Variants in NR3C2 observed in about 807,000 individuals in gnomAD.
The protein encoded by NR3C2 is nuclear receptor subfamily 3 group C member 2.
NR3C2 carries 15 observed loss-of-function variants against 86.4 expected under a neutral mutation model. That is an observed-to-expected ratio of 0.17 (90% CI 0.12 to 0.27). The LOEUF is 0.27. Among genes scored for constraint, NR3C2 ranks in the 10% least tolerant of loss-of-function variants. The probability of loss-of-function intolerance (pLI) is 1.00; values close to 1 mark genes in which losing one functional copy is unlikely to be tolerated. For synonymous variants in NR3C2, 458 were observed against 450.5 expected (o/e 1.02, Z -0.21); for missense variants, 960 against 1,195.6 (o/e 0.80, Z 2.91).
At chr4:148,295,654 C>T (rs1487191201) in intron 2 of NR3C2, among the ~76,000 whole-genome samples, 1 of 151,446 alleles carries the variant, frequency 6.6e-6, no homozygotes, top group Non-Finnish European at 1.5e-5. Context: ...CATGCTTTCT[C>T]ATACTCTCAC....
intron 2 of NR3C2, among the ~76,000 whole-genome samples, chr4:148,314,647 A>G (rs914396417): frequency 3.3e-5 from 5 of 152,154 alleles, no homozygotes. Context: ...ATTTCCTAGA[A>G]AGGATAACTT....
chr4:148,382,017 C>T (rs1048259029), intron 2 of NR3C2, among the ~76,000 whole-genome samples: 11 of 152,134 alleles, frequency 7.2e-5, no homozygotes, highest in African/African-American at 2.7e-4. Flanking sequence ...TTCCCTCCAC[C>T]CAATAGACAC....
intron 2 of NR3C2, among the ~76,000 whole-genome samples, chr4:148,293,774 T>C (rs753136892): frequency 1.3e-5 from 2 of 152,162 alleles, no homozygotes; most frequent in Non-Finnish European, 2.9e-5. Flanking sequence ...GAGGTCAGTT[T>C]GGTAAGCAAC....
intron 3 of NR3C2, among the ~76,000 whole-genome samples, chr4:148,256,283 AC>A (rs1191086963): frequency 6.6e-6 from 1 of 152,230 alleles, no homozygotes; most frequent in Non-Finnish European, 1.5e-5. Flanking sequence ...AAATAACATT[AC>A]AGGAATAATG....
At chr4:148,147,483 A>C (rs1425819703) in intron 6 of NR3C2, among the ~76,000 whole-genome samples, 1 of 152,242 alleles carries the variant, frequency 6.6e-6, no homozygotes, top group Non-Finnish European at 1.5e-5. Flanking sequence ...TATTCAGCAC[A>C]TATTTATGGA....
chr4:148,311,226 T>C (rs763812144), intron 2 of NR3C2, among the ~76,000 whole-genome samples: 1 of 152,150 alleles, frequency 6.6e-6, no homozygotes, highest in South Asian at 2.1e-4. Context: ...GCTCTATTCT[T>C]ATGACTCTCA....
intron 4 of NR3C2, among the ~76,000 whole-genome samples, chr4:148,181,488 C>G (rs17483854): frequency 6.6e-6 from 1 of 152,104 alleles, no homozygotes; most frequent in Admixed American, 6.5e-5. Flanking sequence ...CTTCAAAGGA[C>G]TCATTCTTGG....
At chr4:148,393,565 C>T (rs767801175) in intron 2 of NR3C2, among the ~76,000 whole-genome samples, 5 of 152,282 alleles carry the variant, frequency 3.3e-5, no homozygotes, top group East Asian at 3.9e-4. Flanking sequence ...AAAGAAGACA[C>T]GCCCCACCTA....
At position 148,079,409 on chromosome 4, in the gene NR3C2, T is replaced by C. The variant is rs927714503; in HGVS notation, c.*1935A>G. On this transcript the variant is annotated 3_prime_UTR_variant, in exon 9 of 9. Transcript: ENST00000358102. Reference sequence around the variant, plus strand: ...GAAAGACAAGGTAATGTTGCCTGCATGGTGAACCCTGGAGAAAAGTGTTGA... The same window carrying C: ...GAAAGACAAGGTAATGTTGCCTGCACGGTGAACCCTGGAGAAAAGTGTTGA... The C allele has an allele frequency of 6.6e-6, 1 of 152,368 alleles. No individual in the cohort carries two copies. Among genetic ancestry groups the C allele is most frequent in the Non-Finnish European group, 1.5e-5 (1 of 68,038 alleles). 9.4% of individuals were successfully genotyped at this position (152,368 alleles called of 1,614,324 possible).
chr4:148,312,603 C>A (rs11099690), intron 2 of NR3C2, among the ~76,000 whole-genome samples: 21,192 of 152,136 alleles, frequency 0.14, 1,596 homozygotes, highest in South Asian at 0.27. Flanking sequence ...CCGTGAAAGC[C>A]ACCTGCAAAA....
intron 4 of NR3C2, among the ~76,000 whole-genome samples, chr4:148,167,521 G>A (rs918136806): frequency 2.0e-5 from 3 of 152,044 alleles, no homozygotes; most frequent in African/African-American, 7.3e-5. Context: ...TATGATCATA[G>A]AGGATAAAGA....
At chr4:148,100,483 C>T (rs1378325503) in intron 8 of NR3C2, among the ~76,000 whole-genome samples, 1 of 152,190 alleles carries the variant, frequency 6.6e-6, no homozygotes, top group African/African-American at 2.4e-5. Flanking sequence ...TTCAACATCA[C>T]TAATCAGGGA....
chr4:148,205,077 G>A (rs1460272043), intron 3 of NR3C2, among the ~76,000 whole-genome samples: 1 of 152,120 alleles, frequency 6.6e-6, no homozygotes, highest in African/African-American at 2.4e-5. Context: ...AGATTTGAAG[G>A]TTTCAACACA....
chr4:148,187,178 G>A (rs1181714451), intron 4 of NR3C2, among the ~76,000 whole-genome samples: 16 of 151,498 alleles, frequency 1.1e-4, no homozygotes, highest in African/African-American at 3.2e-4. Context: ...ATAAACATGC[G>A]TGTACAAGTA....
At chr4:148,185,022 A>G (rs1414498882) in intron 4 of NR3C2, among the ~76,000 whole-genome samples, 1 of 152,190 alleles carries the variant, frequency 6.6e-6, no homozygotes, top group Non-Finnish European at 1.5e-5. Context: ...ATAAAATGAG[A>G]TAATGTGTGA....
intron 6 of NR3C2, among the ~76,000 whole-genome samples, chr4:148,134,890 C>G (rs562988275): frequency 6.6e-6 from 1 of 151,726 alleles, no homozygotes; most frequent in East Asian, 1.9e-4. Context: ...CTCCTGACCT[C>G]AGGTGATCCG....
chr4:148,399,065 G>A (rs1288925620), intron 2 of NR3C2, among the ~76,000 whole-genome samples: 1 of 152,186 alleles, frequency 6.6e-6, no homozygotes, highest in Admixed American at 6.5e-5. Context: ...CTATGTCCTG[G>A]TTATCCCTCC....
chr4:148,087,689 C>A (rs780106555), intron 8 of NR3C2, among the ~76,000 whole-genome samples: 43 of 152,122 alleles, frequency 2.8e-4, no homozygotes, highest in Non-Finnish European at 5.4e-4. Context: ...GGACCCCTTC[C>A]TTATACCTTA....
chr4:148,384,383 G>A (rs980372394), intron 2 of NR3C2, among the ~76,000 whole-genome samples: 1 of 152,024 alleles, frequency 6.6e-6, no homozygotes, highest in Non-Finnish European at 1.5e-5. Context: ...CCAGAAGAGA[G>A]TATCATGAGA....
Sources: allele counts gnomAD v4.1 joint callset (sites outside exome capture counted in the v4.1 genomes callset), GRCh38; gene constraint gnomAD v4.1.1; transcripts MANE v1.5; gene names NCBI Gene and HGNC (gene_info 2026-07-23, HGNC 2026-07-21).